Variants in PACSIN2 observed in about 807,000 individuals in gnomAD.
PACSIN2 encodes the protein protein kinase C and casein kinase substrate in neurons 2, also known as protein kinase C and casein kinase substrate in neurons protein 2.
PACSIN2 carries 25 observed loss-of-function variants against 63.8 expected under a neutral mutation model. That is an observed-to-expected ratio of 0.39 (90% CI 0.29 to 0.55). The LOEUF is 0.55. Ranked by LOEUF, PACSIN2 falls within the 20% of genes least tolerant of loss-of-function variation. PACSIN2 has a pLI of 0.62. For missense variants in PACSIN2, 518 were observed against 646.9 expected, an observed-to-expected ratio of 0.80 and a Z score of 2.16; for synonymous variants, 255 against 256.2, an observed-to-expected ratio of 1.00 and a Z score of 0.05.
At chr22:42,989,115 G>A (rs1221662302) in intron 1 of PACSIN2, among the ~76,000 whole-genome samples, 2 of 152,150 alleles carry the variant, frequency 1.3e-5, no homozygotes, top group Non-Finnish European at 2.9e-5. Context: ...CTAGGCTCAC[G>A]AAATCCTCCT....
In PACSIN2 at chr22:42,891,054, G is replaced by C; in HGVS notation, c.346C>G (p.Gln116Glu). 6.2e-7 allele frequency: 1 copy of C among 1,614,142 alleles called. No homozygotes were observed. The highest frequency in any genetic ancestry group is 8.5e-7 in the Non-Finnish European group (1 of 1,180,026). ...NDDFEKIKNWQKEAFHKQMMG... is the reference protein window; with the variant it reads ...NDDFEKIKNWEKEAFHKQMMG... ...ATCTGCTTGTGAAAGGCTTCCTTCT[G>C]CCAGTTCTTGATCTTCTCGAAGTCA... Residue 116 changes from glutamine to glutamate, a missense_variant, in exon 4 of 11, where the codon CAG becomes GAG. Coordinates refer to ENST00000263246, the MANE Select transcript of PACSIN2 (RefSeq NM_001184970.3).
chr22:42,900,431 G>A (rs1930602351), intron 2 of PACSIN2, among the ~76,000 whole-genome samples: 2 of 152,148 alleles, frequency 1.3e-5, no homozygotes, highest in Admixed American at 6.5e-5. Context: ...AATCTTGTGA[G>A]AATGCTAGCC....
At chr22:42,949,365 C>A (rs553165785) in intron 1 of PACSIN2, among the ~76,000 whole-genome samples, 134 of 152,236 alleles carry the variant, frequency 8.8e-4, no homozygotes, top group African/African-American at 3.1e-3. Flanking sequence ...ATGGCTTTGG[C>A]AAGCAGGACT....
intron 1 of PACSIN2, among the ~76,000 whole-genome samples, chr22:42,958,220 G>T (rs532299978): frequency 2.6e-5 from 4 of 151,900 alleles, no homozygotes. Flanking sequence ...GGCTACCAAC[G>T]AGACGAGTGA....
chr22:42,895,396 C>T (rs1930207722), intron 2 of PACSIN2, among the ~76,000 whole-genome samples: 1 of 152,202 alleles, frequency 6.6e-6, no homozygotes, highest in African/African-American at 2.4e-5. Context: ...TGACAGTCGA[C>T]ATGAAGCCAC....
chr22:42,877,016 G>C lies in PACSIN2; in HGVS notation c.1029-6C>G. Reference sequence around the variant, plus strand: ...TGCTCGGGACATTAAGGGTGCTATGGAGAGAGAGAGCTTTCAGGGGATCCC... The same window carrying C: ...TGCTCGGGACATTAAGGGTGCTATGCAGAGAGAGAGCTTTCAGGGGATCCC... On this transcript the variant is annotated splice_polypyrimidine_tract_variant and splice_region_variant and intron_variant, in intron 8 of 10. Coordinates refer to ENST00000263246, the MANE Select transcript of PACSIN2 (RefSeq NM_001184970.3). 1.2e-6 allele frequency: 2 copies of C among 1,613,534 alleles called. No individual in the cohort carries two copies. The highest frequency in any genetic ancestry group is 1.7e-6 in the Non-Finnish European group (2 of 1,179,570).
intron 7 of PACSIN2, among the ~76,000 whole-genome samples, chr22:42,880,962 G>A (rs1929027017): frequency 6.6e-6 from 1 of 152,212 alleles, no homozygotes; most frequent in Admixed American, 6.5e-5. Flanking sequence ...CCTGGTGTGT[G>A]GCTCCAGAGG....
At chr22:42,905,867 C>A (rs1931038669) in intron 2 of PACSIN2, among the ~76,000 whole-genome samples, 1 of 152,224 alleles carries the variant, frequency 6.6e-6, no homozygotes, top group South Asian at 2.1e-4. Context: ...CCTGTGGGAA[C>A]CAGGCCAATT....
chr22:42,899,292 T>C (rs1251721778), intron 2 of PACSIN2, among the ~76,000 whole-genome samples: 1 of 152,192 alleles, frequency 6.6e-6, no homozygotes, highest in African/African-American at 2.4e-5. Context: ...AATTTTTCTT[T>C]TTCTTTTTTT....
intron 3 of PACSIN2, among the ~76,000 whole-genome samples, chr22:42,893,188 G>A (rs557400218): frequency 2.6e-5 from 4 of 152,304 alleles, no homozygotes; most frequent in Admixed American, 6.5e-5. Context: ...GAGTTAACTC[G>A]GCAAGTGCAA....
At chr22:42,960,587 GGAGA>G (rs761996112) in intron 1 of PACSIN2, among the ~76,000 whole-genome samples, 11 of 152,326 alleles carry the variant, frequency 7.2e-5, no homozygotes, top group Non-Finnish European at 1.5e-4. Context: ...CTTTAGGTGA[GGAGA>G]GAAAGATTTT....
In PACSIN2 at chr22:42,876,988, G is replaced by A; in HGVS notation, c.1051C>T (p.Pro351Ser). The change falls in exon 9 of 11, where the codon CCC (proline) becomes TCC (serine). Residue 351 changes from proline to serine, a missense_variant. By Grantham distance (74) the Pro-to-Ser change is moderately conservative. Around this residue, in one of 2 missense-constraint regions of PACSIN2, gnomAD observed 507 missense variants for 612.3 expected, o/e 0.83. Transcript: ENST00000263246. ...GACTGTGACTGCGCAGACTGGGCGG[G>A]GTTGCTCGGGACATTAAGGGTGCTA... ...PSSTLNVPSN[P>S]AQSAQSQSSY... is the part of the protein sequence containing the mutation. The A allele has an allele frequency of 6.2e-7, 1 of 1,614,188 alleles. No individual in the cohort carries two copies. The highest frequency in any genetic ancestry group is 8.5e-7 in the Non-Finnish European group (1 of 1,180,030).
intron 2 of PACSIN2, among the ~76,000 whole-genome samples, chr22:42,904,671 C>T (rs1192580883): frequency 1.3e-5 from 2 of 152,016 alleles, no homozygotes; most frequent in South Asian, 4.2e-4. Flanking sequence ...AGGAAGCCTC[C>T]CCACCTCCTT....
In PACSIN2 at chr22:42,891,169, C is replaced by T; in HGVS notation, c.231G>A (p.Gly77=). 6.2e-7 allele frequency: 1 copy of T among 1,613,360 alleles called. No individual in the cohort carries two copies. The highest frequency in any genetic ancestry group is 8.5e-7 in the Non-Finnish European group (1 of 1,179,754). ...AGGCCATCCAGGCCTTCTCCACGGT[C>T]CCGTACTGGGGCCCTGTGCAGGGGA... ...RQLVEKGPQY[G]TVEKAWMAFM... Residue 77 remains glycine (G), a synonymous_variant, in exon 4 of 11, where the codon GGG becomes GGA. Transcript: ENST00000263246.
intron 1 of PACSIN2, among the ~76,000 whole-genome samples, chr22:42,944,252 C>A (rs979685036): frequency 6.6e-6 from 1 of 152,124 alleles, no homozygotes; most frequent in African/African-American, 2.4e-5. Context: ...ACAGATCAAG[C>A]GAGAAAGACA....
chr22:42,874,236 C>T (rs1055240692), intron 10 of PACSIN2, among the ~76,000 whole-genome samples: 7 of 151,616 alleles, frequency 4.6e-5, no homozygotes, highest in African/African-American at 1.7e-4. Context: ...ACTGCTTGAG[C>T]CCAGGAGATC....
intron 2 of PACSIN2, among the ~76,000 whole-genome samples, chr22:42,898,340 C>T (rs1930437086): frequency 6.6e-6 from 1 of 151,304 alleles, no homozygotes; most frequent in Non-Finnish European, 1.5e-5. Context: ...GGTGCGATCT[C>T]GGCTCACCAC....
chr22:43,000,980 C>A (rs952498667), intron 1 of PACSIN2, among the ~76,000 whole-genome samples: 5 of 152,204 alleles, frequency 3.3e-5, no homozygotes, highest in African/African-American at 1.2e-4. Context: ...CACCCCAGGC[C>A]TAAAAAGCAG....
intron 1 of PACSIN2, among the ~76,000 whole-genome samples, chr22:42,986,764 C>T (rs1050980997): frequency 6.6e-6 from 1 of 152,000 alleles, no homozygotes; most frequent in African/African-American, 2.4e-5. Flanking sequence ...GTGCAAAGAC[C>T]CTAAGAAGGG....
Sources: gnomAD v4.1 joint callset for allele counts (sites outside exome capture counted in the v4.1 genomes callset) on GRCh38, gnomAD v4.1.1 for gene constraint, gnomAD v4.1.1 regional missense constraint, MANE v1.5 for transcripts, NCBI Gene and HGNC (gene_info 2026-07-23, HGNC 2026-07-21) for gene names.